Variants in WDR49 observed in about 807,000 individuals in gnomAD.
WDR49 encodes the protein WD repeat domain 49.
Under a neutral mutation model 119.5 loss-of-function variants are expected in WDR49, and 107 were observed. The observed-to-expected ratio is 0.90, with a 90% CI of 0.77 to 1.05. The LOEUF (loss-of-function observed/expected upper bound fraction) is 1.05, where lower values mean the gene tolerates loss of function less well. Among genes scored for constraint, WDR49 ranks in the 50% least tolerant of loss-of-function variants. The pLI is 0.00. For missense variants in WDR49, 1,240 were observed against 1,220.5 expected (o/e 1.02, Z -0.24); for synonymous variants, 425 against 418.8 (o/e 1.01, Z -0.18).
intron 3 of WDR49, among the ~76,000 whole-genome samples, chr3:167,622,368 T>A (rs1290461517): frequency 6.6e-6 from 1 of 151,878 alleles, no homozygotes; most frequent in Non-Finnish European, 1.5e-5. Context: ...GAGACTCCCA[T>A]CTTTAAAAAG....
At chr3:167,597,295 T>G (rs181961350) in intron 7 of WDR49, among the ~76,000 whole-genome samples, 50 of 152,334 alleles carry the variant, frequency 3.3e-4, no homozygotes, top group African/African-American at 1.2e-3. Flanking sequence ...CACATGGTGT[T>G]GAGCCTGTGG....
upstream of WDR49, among the ~76,000 whole-genome samples, chr3:167,656,453 T>C (rs1336208584): frequency 6.6e-6 from 1 of 152,184 alleles, no homozygotes; most frequent in Non-Finnish European, 1.5e-5. Flanking sequence ...AAAAACATTC[T>C]GTAAAGATGA....
At chr3:167,605,260 A>G (rs1716000864) in intron 5 of WDR49, among the ~76,000 whole-genome samples, 1 of 152,164 alleles carries the variant, frequency 6.6e-6, no homozygotes. Context: ...ACTAGGATTT[A>G]TTAATTCAAG....
chr3:167,543,273 T>A (rs1711954349), intron 10 of WDR49, among the ~76,000 whole-genome samples: 1 of 151,940 alleles, frequency 6.6e-6, no homozygotes, highest in Non-Finnish European at 1.5e-5. Flanking sequence ...AGAGGATATC[T>A]TCCCTAAATC....
At chr3:167,604,573 C>T in intron 5 of WDR49, 105 bp from the exon 6 acceptor site, 1 of 1,152,088 alleles carries the variant, frequency 8.7e-7, no homozygotes, top group Non-Finnish European at 1.2e-6. Context: ...TAAACTCAAA[C>T]TATGATGATA....
At chr3:167,568,039 G>C (rs1713709099) in intron 8 of WDR49, among the ~76,000 whole-genome samples, 1 of 152,170 alleles carries the variant, frequency 6.6e-6, no homozygotes, top group Admixed American at 6.5e-5. Flanking sequence ...AACAGAGTTG[G>C]TCTATCCCTT....
chr3:167,505,293 C>A lies in WDR49; in HGVS notation c.2884+14G>T. On this transcript the variant is annotated intron_variant, in intron 17 of 18. Transcript: ENST00000682715. ...TAATATTATAAAAATACATTAACAA[C>A]AGTGACTACTTACTGAATGATTTTT... 6.8e-7 allele frequency: 1 copy of A among 1,476,030 alleles called. No individual in the cohort carries two copies. Among genetic ancestry groups the A allele is most frequent in the Non-Finnish European group, 8.9e-7 (1 of 1,119,080 alleles). 91.4% of individuals were successfully genotyped at this position (1,476,030 alleles called of 1,614,324 possible).
At chr3:167,514,529 C>T (rs1054308920) in intron 16 of WDR49, among the ~76,000 whole-genome samples, 1 of 151,814 alleles carries the variant, frequency 6.6e-6, no homozygotes, top group African/African-American at 2.4e-5. Context: ...AACATCCTAA[C>T]ATCACAACTA....
intron 9 of WDR49, among the ~76,000 whole-genome samples, chr3:167,555,510 G>A (rs1418840177): frequency 1.3e-5 from 2 of 152,202 alleles, no homozygotes; most frequent in East Asian, 3.9e-4. Flanking sequence ...CAGCCCGTCA[G>A]TCAGAAGCAC....
chr3:167,602,343 A>T, intron 6 of WDR49, 68 bp from the exon 7 acceptor site: 1 of 1,361,062 alleles, frequency 7.3e-7, no homozygotes, highest in Non-Finnish European at 9.9e-7. Flanking sequence ...TTTCTTTGTG[A>T]AATGAGTTTA....
At position 167,621,447 on chromosome 3, in the gene WDR49, C is replaced by T. The variant is rs992127748; in HGVS notation, c.783+20G>A. On this transcript the variant is annotated intron_variant, in intron 4 of 18. Transcript: ENST00000682715. ...GATGATTAAATCCATAGTATTCAAT[C>T]TTAATCTACCCTCACTTACCTTTCC... is the stretch of plus-strand genomic sequence containing the variant. The T allele has an allele frequency of 7.3e-6, 11 of 1,501,122 alleles. No homozygotes were observed. The highest frequency in any genetic ancestry group is 1.7e-4 in the Middle Eastern group (1 of 5,800). The allele number at this position is 1,501,122 out of a possible 1,614,324, so 93.0% of individuals were successfully genotyped here.
chr3:167,505,225 T>G lies in WDR49; in HGVS notation c.2884+82A>C, dbSNP rs1025547792. 7 of 1,285,940 alleles carry G rather than the reference T, an allele frequency of 5.4e-6. No homozygotes were observed. In the African/African-American group the frequency reaches 1.1e-4, roughly 20 times the overall value. 79.7% of individuals were successfully genotyped at this position (1,285,940 alleles called of 1,614,324 possible). On this transcript the variant is annotated intron_variant, in intron 17 of 18. Coordinates refer to ENST00000682715, the MANE Select transcript of WDR49 (RefSeq NM_001366157.1). ...GTTTATTAAGGAATAGGAACATTCC[T>G]GACACACAGAGTAGACATTTGTATT...
chr3:167,564,602 T>C (rs1560288140), intron 8 of WDR49, among the ~76,000 whole-genome samples: 1 of 152,350 alleles, frequency 6.6e-6, no homozygotes, highest in Middle Eastern at 3.4e-3. Flanking sequence ...CTTCAGCTGA[T>C]GAGGACGGGG....
At chr3:167,582,186 T>G (rs1714569303) in intron 7 of WDR49, among the ~76,000 whole-genome samples, 1 of 152,066 alleles carries the variant, frequency 6.6e-6, no homozygotes, top group African/African-American at 2.4e-5. Flanking sequence ...GGCATTGCTT[T>G]TCCTGAACAC....
chr3:167,584,308 A>G (rs1003824717), intron 7 of WDR49, among the ~76,000 whole-genome samples: 2 of 152,180 alleles, frequency 1.3e-5, no homozygotes, highest in Non-Finnish European at 2.9e-5. Context: ...TATGGAAGAT[A>G]GTGAAGAGTG....
intron 18 of WDR49, among the ~76,000 whole-genome samples, chr3:167,494,076 T>G (rs1751252871): frequency 6.6e-6 from 1 of 152,184 alleles, no homozygotes; most frequent in African/African-American, 2.4e-5. Context: ...AAAATCATAA[T>G]AGACATCATC....
At chr3:167,487,919 T>C (rs144816272) in intron 18 of WDR49, among the ~76,000 whole-genome samples, 5 of 152,058 alleles carry the variant, frequency 3.3e-5, no homozygotes, top group Admixed American at 3.3e-4. Context: ...TTATACACCA[T>C]TGGTAGGAAG....
At position 167,627,050 on chromosome 3, in the gene WDR49, T is replaced by C. The variant is rs962424691; in HGVS notation, c.408A>G (p.Pro136=). The change falls in exon 3 of 19, where the codon CCA becomes CCG. Residue 136 remains proline, a synonymous_variant. Coordinates refer to ENST00000682715, the MANE Select transcript of WDR49 (RefSeq NM_001366157.1). ...VPQWKDLEFL[P]VKHKDTIQKV... is the part of the protein sequence containing the mutation. ...TTTGAATGGTGTCCTTGTGTTTTAC[T>C]GGGAGGAATTCAAGGTCCTTCCACT... The C allele has an allele frequency of 7.9e-5, 104 of 1,314,582 alleles. No individual in the cohort carries two copies. The highest frequency in any genetic ancestry group is 1.0e-4 in the Non-Finnish European group (103 of 1,032,722). 81.4% of individuals were successfully genotyped at this position (1,314,582 alleles called of 1,614,324 possible).
intron 7 of WDR49, among the ~76,000 whole-genome samples, chr3:167,596,858 C>G (rs1171012393): frequency 7.1e-6 from 1 of 140,898 alleles, no homozygotes; most frequent in Non-Finnish European, 1.5e-5. Context: ...TACCCTAAAA[C>G]TTAAAGTATA....
Sources: allele counts gnomAD v4.1 joint callset (sites outside exome capture counted in the v4.1 genomes callset), GRCh38; gene constraint gnomAD v4.1.1; transcripts MANE v1.5; gene names NCBI Gene and HGNC (gene_info 2026-07-23, HGNC 2026-07-21).